MFN2: variants seen among roughly 807,000 people sequenced by gnomAD.
MFN2 encodes the protein mitofusin 2.
MFN2 carries 43 observed loss-of-function variants against 87.5 expected under a neutral mutation model. The observed-to-expected ratio is 0.49, with a 90% CI of 0.38 to 0.63. MFN2 has a LOEUF of 0.63. Among genes scored for constraint, MFN2 ranks in the 30% least tolerant of loss-of-function variants. The pLI is 0.00. For synonymous variants in MFN2, 337 were observed against 359.9 expected (o/e 0.94, Z 0.72); for missense variants, 743 against 972.8 (o/e 0.76, Z 3.14).
At chr1:11,997,600 T>C (rs1473020233) in intron 6 of MFN2, among the ~76,000 whole-genome samples, 179 bp downstream of exon 6, 1 of 152,192 alleles carries the variant, frequency 6.6e-6, no homozygotes, top group African/African-American at 2.4e-5. Context: ...CTGGTTACTA[T>C]ACCTATTTAT....
chr1:12,005,565 C>A, intron 14 of MFN2, 146 bp from the exon 15 acceptor site: 2 of 859,348 alleles, frequency 2.3e-6, no homozygotes, highest in Non-Finnish European at 2.0e-6. Context: ...CTCAGTCTCA[C>A]GGGCCAACTT....
At chr1:11,982,639 C>T (rs1209773096) in intron 2 of MFN2, 1 of 152,104 alleles carries the variant, frequency 6.6e-6, no homozygotes, top group Non-Finnish European at 1.5e-5. Context: ...TCCAAACACA[C>T]CTTGCAGTGA....
Position 12,004,400 on chromosome 1 carries a change from C to A in MFN2, c.1288-109C>A. ...TAATTCCATAGAGGAGCTGAGGAGGCTGCTGGTTTGAGAGGAAGGATGTGC... is the reference window on the plus strand; with the variant it reads ...TAATTCCATAGAGGAGCTGAGGAGGATGCTGGTTTGAGAGGAAGGATGTGC... On this transcript the variant is annotated intron_variant, in intron 12 of 18. Coordinates refer to ENST00000235329, the MANE Select transcript of MFN2 (RefSeq NM_014874.4). The surrounding 1 kb of genome is among the most constrained non-coding windows in gnomAD (Gnocchi z 4.2). 1 of 1,043,446 alleles carries A rather than the reference C, an allele frequency of 9.6e-7. No individual in the cohort carries two copies. Among genetic ancestry groups the A allele is most frequent in the Non-Finnish European group, 1.5e-6 (1 of 661,424 alleles). 64.6% of individuals were successfully genotyped at this position (1,043,446 alleles called of 1,614,324 possible). A position where few individuals can be genotyped will look rare whatever the true frequency, so the allele number is the denominator to read the frequency against.
intron 18 of MFN2, among the ~76,000 whole-genome samples, chr1:12,009,945 G>A (rs1639617259): frequency 6.6e-6 from 1 of 152,212 alleles, no homozygotes; most frequent in African/African-American, 2.4e-5. Context: ...CCTGAGGTCA[G>A]GAGTTTGAGA....
In MFN2 at chr1:12,006,637, G is replaced by T. The variant is rs149122641; in HGVS notation, c.1816G>T (p.Gly606Cys). ...QEEFMVSMVT[G>C]LASLTSRTSM... ...GGAGTTCATGGTTTCCATGGTTACC[G>T]GCCTGGCCTCCTTGACATCCAGGAC... Residue 606 changes from glycine (G) to cysteine (C), a missense_variant, in exon 16 of 19, where the codon GGC (glycine) becomes TGC (cysteine). By Grantham distance (159) the Gly-to-Cys change is radical. This residue lies in a region of MFN2 where 571 missense variants were observed against 670.7 expected (regional missense o/e 0.85). Coordinates refer to ENST00000235329, the MANE Select transcript of MFN2 (RefSeq NM_014874.4). 1 of 1,614,062 alleles carries T rather than the reference G, an allele frequency of 6.2e-7. No homozygotes were observed. The highest frequency in any genetic ancestry group is 8.5e-7 in the Non-Finnish European group (1 of 1,180,036).
At position 12,001,518 on chromosome 1, in the gene MFN2, G is replaced by A. The variant is rs774062558; in HGVS notation, c.934G>A (p.Ala312Thr). The A allele has an allele frequency of 6.8e-6, 11 of 1,614,186 alleles. No individual in the cohort carries two copies. The highest frequency in any genetic ancestry group is 2.2e-5 in the East Asian group (1 of 44,886). Reference protein sequence around the residue: ...FFVSAKEVLNARIQKAQGMPE... With the variant: ...FFVSAKEVLNTRIQKAQGMPE... ...TGTGTCTGCTAAGGAGGTGCTCAAC[G>A]CCAGGATTCAGAAAGCCCAGGGCAT... Residue 312 changes from alanine to threonine, a missense_variant, in exon 9 of 19, where the codon GCC becomes ACC. This residue lies in a region of MFN2 where 571 missense variants were observed against 670.7 expected (regional missense o/e 0.85). Coordinates refer to ENST00000235329, the MANE Select transcript of MFN2 (RefSeq NM_014874.4).
chr1:12,010,440 G>T (rs1639643408), intron 18 of MFN2, among the ~76,000 whole-genome samples: 1 of 152,162 alleles, frequency 6.6e-6, no homozygotes, highest in South Asian at 2.1e-4. Flanking sequence ...TAGGAGGGGA[G>T]CCCAGGTGTA....
chr1:12,004,572 G>T lies in MFN2; in HGVS notation c.1351G>T (p.Asp451Tyr). 1 of 1,614,142 alleles carries T rather than the reference G, an allele frequency of 6.2e-7. No homozygotes were observed. The highest frequency in any genetic ancestry group is 1.1e-5 in the South Asian group (1 of 91,078). ...TGTACTGGTGGACGATTACCAGATG[G>T]ACTTCCACCCTTCTCCAGTAGTCCT... ...LSVLVDDYQMDFHPSPVVLKV... is the reference protein window; with the variant it reads ...LSVLVDDYQMYFHPSPVVLKV... Residue 451 changes from aspartate to tyrosine, a missense_variant, in exon 13 of 19, where the codon GAC becomes TAC. By Grantham distance (160) the Asp-to-Tyr change is radical. Around this residue, in one of 3 missense-constraint regions of MFN2, gnomAD observed 571 missense variants for 670.7 expected, o/e 0.85. Coordinates refer to ENST00000235329, the MANE Select transcript of MFN2 (RefSeq NM_014874.4). The surrounding 1 kb of genome is among the most constrained non-coding windows in gnomAD (Gnocchi z 4.2).
chr1:11,992,967 C>CTTTTT lies in MFN2; in HGVS notation c.311+285_311+289dup, dbSNP rs35911686. On this transcript the variant is annotated intron_variant, in intron 4 of 18. Transcript: ENST00000235329. ...TGCAGGTGCATGCCATCAAGCCTGA[C>CTTTTT]TTTTTTTTTTTTATTTTCTAATTAA... is the stretch of plus-strand genomic sequence containing the variant. 0.43 allele frequency among the ~76,000 whole-genome samples: 62,210 copies of CTTTTT among 143,586 alleles called. 14,863 individuals carry two copies. The highest frequency in any genetic ancestry group is 0.52 in the Non-Finnish European group (34,529 of 66,296). 94.2% of individuals were successfully genotyped at this position (143,586 alleles called of 152,430 possible).
Position 12,013,053 on chromosome 1 carries a change from C to A in MFN2, c.*1488C>A. 3.1e-6 allele frequency: 1 copy of A among 325,990 alleles called. No homozygotes were observed. The highest frequency in any genetic ancestry group is 6.0e-6 in the Non-Finnish European group (1 of 167,326). The allele number at this position is 325,990 out of a possible 1,614,324, so 20.2% of individuals were successfully genotyped here. A position where few individuals can be genotyped will look rare whatever the true frequency, so the allele number is the denominator to read the frequency against. ...CCTCAGTCTGTCCTGTTGTGTGGGG[C>A]GAAGTGATGGACTCTGCCAGGTGGA... On this transcript the variant is annotated 3_prime_UTR_variant, in exon 19 of 19. Transcript: ENST00000235329.
intron 16 of MFN2, 74 bp from the exon 17 acceptor site, chr1:12,006,979 C>T: frequency 6.3e-7 from 1 of 1,574,954 alleles, no homozygotes; most frequent in Middle Eastern, 2.3e-4. Flanking sequence ...TTCAGATGGC[C>T]CTGGTAGTGA....
chr1:12,013,280 C>T lies in MFN2; in HGVS notation c.*1715C>T, dbSNP rs1366358994. ...AATGAAATTTTGAGCTTCTTCAATA[C>T]GTAAAATTAAATTTATACCACTGAG... On this transcript the variant is annotated 3_prime_UTR_variant, in exon 19 of 19. Transcript: ENST00000235329. 9 of 425,418 alleles carry T rather than the reference C, an allele frequency of 2.1e-5. No individual in the cohort carries two copies. The highest frequency in any genetic ancestry group is 2.9e-5 in the Non-Finnish European group (6 of 204,640). 26.4% of individuals were successfully genotyped at this position (425,418 alleles called of 1,614,324 possible). A position where few individuals can be genotyped will look rare whatever the true frequency, so the allele number is the denominator to read the frequency against.
chr1:11,989,438 G>T lies in MFN2; in HGVS notation c.175+95G>T. The T allele has an allele frequency of 2.1e-6, 3 of 1,413,748 alleles. 1 individual carries two copies. The South Asian group carries it at 3.7e-5, about 18-fold the overall frequency. The allele number at this position is 1,413,748 out of a possible 1,614,324, so 87.6% of individuals were successfully genotyped here. A position where few individuals can be genotyped will look rare whatever the true frequency, so the allele number is the denominator to read the frequency against. On this transcript the variant is annotated intron_variant, in intron 3 of 18. Transcript: ENST00000235329. ...TGGGGAGGTATATCTCTGCTCCCAG[G>T]GAAGTCATAACCAGATAGCCTTAGA...
chr1:11,999,163 C>T (rs1639064650), intron 8 of MFN2, 68 bp downstream of exon 8: 1 of 1,238,716 alleles, frequency 8.1e-7, no homozygotes, highest in African/African-American at 1.5e-5. Flanking sequence ...ACTGGGGCCA[C>T]TTCCTGCACC....
chr1:11,990,967 G>T (rs925403733), intron 3 of MFN2, among the ~76,000 whole-genome samples: 1 of 152,192 alleles, frequency 6.6e-6, no homozygotes, highest in African/African-American at 2.4e-5. Context: ...TCATGCTTCA[G>T]ATGCTTTCGG....
chr1:11,997,404 C>T lies in MFN2; in HGVS notation c.582C>T (p.Asp194=), dbSNP rs772441576. The T allele has an allele frequency of 2.0e-5, 32 of 1,614,034 alleles. No individual in the cohort carries two copies. The Admixed American group carries it at 3.3e-4, about 17-fold the overall frequency. Residue 194 remains aspartate (D), a synonymous_variant, in exon 6 of 19, where the codon GAC becomes GAT. Transcript: ENST00000235329. ...CTAAGTGCCCACTTCTGAAGGATGA[C>T]CTCGTTTTGATGGACAGGTAAGAGG... The part of the protein sequence containing the change: ...PNSKCPLLKD[D]LVLMDSPGID...
chr1:11,983,516 A>T (rs1319596058), intron 2 of MFN2, among the ~76,000 whole-genome samples: 2 of 152,236 alleles, frequency 1.3e-5, no homozygotes, highest in Non-Finnish European at 2.9e-5. Context: ...CTTATGAGGC[A>T]GTCACAGCTT....
chr1:11,997,141 T>C (rs1055873625), intron 5 of MFN2, among the ~76,000 whole-genome samples, 156 bp from the exon 6 acceptor site: 5 of 152,170 alleles, frequency 3.3e-5, no homozygotes, highest in Non-Finnish European at 7.3e-5. Flanking sequence ...TGGGTTCTTA[T>C]TGACAACTCC....
Position 12,004,633 on chromosome 1 carries a change from G to T in MFN2, c.1392+20G>T, listed in dbSNP as rs1367301944. The stretch of plus-strand genomic sequence containing the variant: ...AAGAATGTGAGTCATGGAGCAACAG[G>T]TCCTCTTGGCAGGAGGCCCCCAAAA... On this transcript the variant is annotated intron_variant, in intron 13 of 18. Coordinates refer to ENST00000235329, the MANE Select transcript of MFN2 (RefSeq NM_014874.4). The surrounding 1 kb of genome is among the most constrained non-coding windows in gnomAD (Gnocchi z 4.2). 1.9e-6 allele frequency: 3 copies of T among 1,609,934 alleles called. No homozygotes were observed. In the Admixed American group the frequency reaches 5.0e-5, roughly 27 times the overall value.
Sources: allele counts gnomAD v4.1 joint callset (sites outside exome capture counted in the v4.1 genomes callset), GRCh38; gene constraint gnomAD v4.1.1; regional missense constraint gnomAD v4.1.1; non-coding constraint Gnocchi (gnomAD v3.1); transcripts MANE v1.5; gene names NCBI Gene and HGNC (gene_info 2026-07-23, HGNC 2026-07-21).